Variants in DAB1 observed in about 807,000 individuals in gnomAD.
DAB1 encodes the protein disabled homolog 1.
Under a neutral mutation model 64.6 loss-of-function variants are expected in DAB1, and 15 were observed. The ratio of observed to expected loss-of-function variants is 0.23; its 90% CI spans 0.16 to 0.36. DAB1 has a LOEUF of 0.36. Ranked by LOEUF, DAB1 falls within the 10% of genes least tolerant of loss-of-function variation. DAB1 has a pLI of 1.00. For missense variants in DAB1, 596 were observed against 706.7 expected, an observed-to-expected ratio of 0.84 and a Z score of 1.78; for synonymous variants, 235 against 251.9, an observed-to-expected ratio of 0.93 and a Z score of 0.64.
chr1:57,116,716 A>G (rs1287379982), intron 4 of DAB1, among the ~76,000 whole-genome samples: 2 of 152,130 alleles, frequency 1.3e-5, no homozygotes, highest in Non-Finnish European at 2.9e-5. Flanking sequence ...AAGATGGTGG[A>G]AAAAAAGAAG....
intron 3 of DAB1, among the ~76,000 whole-genome samples, chr1:58,499,850 A>G (rs1459315725): frequency 6.6e-6 from 1 of 152,180 alleles, no homozygotes. Flanking sequence ...TCCCAGTAAC[A>G]ACTAAAGTAT....
intron 5 of DAB1, among the ~76,000 whole-genome samples, chr1:57,963,989 T>C (rs927694197): frequency 2.0e-5 from 3 of 152,184 alleles, no homozygotes; most frequent in Non-Finnish European, 4.4e-5. Flanking sequence ...TTGCCTTTCA[T>C]TAGAAACACC....
At chr1:58,201,143 A>C (rs561429155) in intron 4 of DAB1, among the ~76,000 whole-genome samples, 1 of 151,556 alleles carries the variant, frequency 6.6e-6, no homozygotes, top group Admixed American at 6.6e-5. Flanking sequence ...CAGCCTCCCG[A>C]GTAACTGGGA....
intron 1 of DAB1, among the ~76,000 whole-genome samples, chr1:57,324,221 C>G (rs1287107730): frequency 6.6e-6 from 1 of 152,274 alleles, no homozygotes; most frequent in East Asian, 1.9e-4. Context: ...TTAAGTGAAC[C>G]AATCTAAACT....
chr1:57,963,677 G>A (rs1410079234), intron 5 of DAB1, among the ~76,000 whole-genome samples: 4 of 152,068 alleles, frequency 2.6e-5, no homozygotes, highest in Non-Finnish European at 4.4e-5. Flanking sequence ...CCTGCGTCAC[G>A]CCCATGCTGC....
chr1:57,838,642 C>T (rs760158270), intron 1 of DAB1, among the ~76,000 whole-genome samples: 92 of 152,278 alleles, frequency 6.0e-4, no homozygotes, highest in Non-Finnish European at 1.1e-3. Flanking sequence ...CTGCCATTAA[C>T]CAACCATACC....
chr1:57,222,655 C>A (rs150503763), intron 2 of DAB1, among the ~76,000 whole-genome samples: 191 of 152,246 alleles, frequency 1.3e-3, no homozygotes, highest in African/African-American at 4.4e-3. Context: ...GAATCTGGAC[C>A]TGATTCACTA....
At chr1:58,537,654 A>G (rs921417500) in intron 1 of DAB1, among the ~76,000 whole-genome samples, 1 of 152,234 alleles carries the variant, frequency 6.6e-6, no homozygotes, top group African/African-American at 2.4e-5. Flanking sequence ...AAAATTTACC[A>G]TATATACATC....
chr1:58,003,182 G>A (rs944276307), intron 5 of DAB1, among the ~76,000 whole-genome samples: 5 of 152,134 alleles, frequency 3.3e-5, no homozygotes, highest in South Asian at 4.1e-4. Flanking sequence ...GAAATCACAC[G>A]TGACAATGGA....
intron 5 of DAB1, among the ~76,000 whole-genome samples, chr1:58,065,075 T>C (rs1181345800): frequency 6.6e-6 from 1 of 152,170 alleles, no homozygotes; most frequent in Admixed American, 6.5e-5. Context: ...GCCAGTTGCA[T>C]ATATTATCTC....
chr1:57,283,086 T>C (rs537595946), intron 2 of DAB1, among the ~76,000 whole-genome samples: 1 of 152,326 alleles, frequency 6.6e-6, no homozygotes, highest in East Asian at 1.9e-4. Context: ...CCCCATGACC[T>C]GGGGCAAGTC....
At chr1:57,720,553 C>T (rs1422876519) in intron 6 of DAB1, among the ~76,000 whole-genome samples, 3 of 152,192 alleles carry the variant, frequency 2.0e-5, no homozygotes, top group Non-Finnish European at 2.9e-5. Context: ...TATCTTAGCA[C>T]TGCCATGTGG....
At chr1:57,422,260 C>T (rs563022463) in intron 1 of DAB1, among the ~76,000 whole-genome samples, 13 of 152,298 alleles carry the variant, frequency 8.5e-5, no homozygotes, top group Non-Finnish European at 1.9e-4. Context: ...ATTTAACCGG[C>T]CAGCAGGAAG....
chr1:57,384,987 C>A (rs1681689202), intron 1 of DAB1, among the ~76,000 whole-genome samples: 1 of 152,170 alleles, frequency 6.6e-6, no homozygotes. Flanking sequence ...AATGTACATA[C>A]TCCCCCATGC....
chr1:58,026,784 G>T (rs1221684643), intron 5 of DAB1, among the ~76,000 whole-genome samples: 4 of 152,180 alleles, frequency 2.6e-5, no homozygotes, highest in Non-Finnish European at 5.9e-5. Context: ...TGGGAGATTT[G>T]TGTATATGCT....
At chr1:57,568,431 C>A (rs1320849635) in intron 7 of DAB1, among the ~76,000 whole-genome samples, 1 of 152,146 alleles carries the variant, frequency 6.6e-6, no homozygotes, top group African/African-American at 2.4e-5. Context: ...CAAATGGGAT[C>A]GAATTAAACT....
chr1:57,454,911 G>A (rs1156734214), intron 7 of DAB1, among the ~76,000 whole-genome samples: 1 of 152,106 alleles, frequency 6.6e-6, no homozygotes, highest in Admixed American at 6.6e-5. Context: ...AGAGAAGGGA[G>A]AATGTAATAA....
At chr1:57,389,753 A>G (rs507466) in intron 1 of DAB1, among the ~76,000 whole-genome samples, 21,690 of 152,108 alleles carry the variant, frequency 0.14, 1,880 homozygotes, top group African/African-American at 0.23. Context: ...TTGTTCCCCA[A>G]ATGAAATGTA....
intron 7 of DAB1, among the ~76,000 whole-genome samples, chr1:57,586,413 C>T (rs2101561813): frequency 6.6e-6 from 1 of 152,272 alleles, no homozygotes; most frequent in African/African-American, 2.4e-5. Context: ...ACTCTGAGGG[C>T]AGGAAATGTA....
Sources: gnomAD v4.1 joint callset for allele counts (sites outside exome capture counted in the v4.1 genomes callset) on GRCh38, gnomAD v4.1.1 for gene constraint, MANE v1.5 for transcripts, NCBI Gene and HGNC (gene_info 2026-07-23, HGNC 2026-07-21) for gene names.